AP1B1: variants seen among roughly 807,000 people sequenced by gnomAD.
AP1B1 encodes AP-1 complex subunit beta-1.
A neutral mutation model predicts 104.3 loss-of-function variants in AP1B1; 36 were observed. The ratio of observed to expected loss-of-function variants is 0.35; its 90% CI spans 0.26 to 0.46. The LOEUF is 0.46. Among genes scored for constraint, AP1B1 ranks in the 20% least tolerant of loss-of-function variants. AP1B1 has a pLI of 1.00. For missense variants in AP1B1, 901 were observed against 1,247.9 expected (o/e 0.72, Z 4.19); for synonymous variants, 504 against 517.5 (o/e 0.97, Z 0.35).
chr22:29,349,169 G>C (rs1331613704), intron 11 of AP1B1, 49 bp downstream of exon 11: 2 of 1,598,910 alleles, frequency 1.3e-6, no homozygotes, highest in East Asian at 2.2e-5. Context: ...GCCACAGTGG[G>C]GCTGAGCTGC....
chr22:29,335,276 C>T (rs911465935), intron 16 of AP1B1, among the ~76,000 whole-genome samples: 19 of 152,160 alleles, frequency 1.2e-4, no homozygotes, highest in African/African-American at 4.3e-4. Flanking sequence ...CTCCTGTGGA[C>T]GGCTCACAGG....
intron 3 of AP1B1, among the ~76,000 whole-genome samples, chr22:29,361,009 G>T (rs2062036821): frequency 6.6e-6 from 1 of 152,224 alleles, no homozygotes; most frequent in Non-Finnish European, 1.5e-5. Context: ...GGAGGAGGGA[G>T]GAGGAAAAAC....
intron 8 of AP1B1, 31 bp downstream of exon 8, chr22:29,351,674 G>A (rs1289780981): frequency 1.2e-6 from 2 of 1,611,712 alleles, no homozygotes; most frequent in Non-Finnish European, 1.7e-6. Flanking sequence ...CCCACACTGA[G>A]CCCGTGTCCT....
chr22:29,341,235 T>C (rs1205220101), intron 13 of AP1B1, among the ~76,000 whole-genome samples: 2 of 152,250 alleles, frequency 1.3e-5, no homozygotes, highest in African/African-American at 2.4e-5. Context: ...CTCTGCTAGC[T>C]GTGAGATCCT....
intron 6 of AP1B1, 28 bp from the exon 7 acceptor site, chr22:29,354,899 A>T (rs752058828): frequency 1.3e-6 from 2 of 1,586,772 alleles, no homozygotes; most frequent in African/African-American, 2.7e-5. Flanking sequence ...CAACGGGGCA[A>T]ACAGGAAAGA....
intron 1 of AP1B1, among the ~76,000 whole-genome samples, chr22:29,383,143 G>C (rs562994501): frequency 6.6e-6 from 1 of 152,126 alleles, no homozygotes; most frequent in Non-Finnish European, 1.5e-5. Context: ...AGCAGGCCTC[G>C]ATAAATACTG....
rs1351301002 is a variant in AP1B1, at chr22:29,388,441, TCCCGGCGCC to T, written c.-54_-46del. 1 of 152,214 alleles carries T rather than the reference TCCCGGCGCC, an allele frequency of 6.6e-6. No individual in the cohort carries two copies. Among genetic ancestry groups the T allele is most frequent in the East Asian group, 1.9e-4 (1 of 5,158 alleles). 9.4% of individuals were successfully genotyped at this position (152,214 alleles called of 1,614,324 possible). On this transcript the variant is annotated 5_prime_UTR_variant, in exon 1 of 23. Coordinates refer to ENST00000357586, the MANE Select transcript of AP1B1 (RefSeq NM_001127.4). ...TTCCTCACCCGCAGGTCCCAATAGC[TCCCGGCGCC>T]CCGGCTCGGTTCGGCTTGGCACCAA...
chr22:29,331,324 G>GCAACTC (rs2061553781), intron 19 of AP1B1, 125 bp downstream of exon 19: 2 of 958,540 alleles, frequency 2.1e-6, no homozygotes, highest in Non-Finnish European at 3.3e-6. Context: ...CAGGGAAGCA[G>GCAACTC]CAACTCCCCG....
Position 29,371,046 on chromosome 22 carries a change from G to A in AP1B1, c.-27-3776C>T, listed in dbSNP as rs2062227501. 2.0e-5 allele frequency among the ~76,000 whole-genome samples: 3 copies of A among 152,226 alleles called. No homozygotes were observed. The South Asian group carries it at 6.2e-4, about 32-fold the overall frequency. ...ATGCGGAGAAAAGTGAAACGCTTTA[G>A]AAAGCCACCCCAAAACACAGATAAC... On this transcript the variant is annotated intron_variant, in intron 1 of 22. Coordinates refer to ENST00000357586, the MANE Select transcript of AP1B1 (RefSeq NM_001127.4).
At chr22:29,385,843 T>C (rs1228918294) in intron 1 of AP1B1, among the ~76,000 whole-genome samples, 1 of 152,180 alleles carries the variant, frequency 6.6e-6, no homozygotes, top group East Asian at 1.9e-4. Flanking sequence ...CAGGCTTTGG[T>C]GCCAGACACG....
chr22:29,344,691 A>AT (rs1300165468), intron 11 of AP1B1, among the ~76,000 whole-genome samples: 1 of 151,534 alleles, frequency 6.6e-6, no homozygotes, highest in Non-Finnish European at 1.5e-5. Flanking sequence ...CACCTGGCTA[A>AT]TTTTTGTATT....
At position 29,351,208 on chromosome 22, in the gene AP1B1, G is replaced by A; in HGVS notation, c.1118C>T (p.Ala373Val). 1 of 1,614,018 alleles carries A rather than the reference G, an allele frequency of 6.2e-7. No homozygotes were observed. The highest frequency in any genetic ancestry group is 1.1e-5 in the South Asian group (1 of 91,080). ...TEVDVDFVRK[A>V]VRAIGRCAIK... ...GGCGCAGCGGCCAATAGCACGCACA[G>A]CCTTCCGTACAAAGTCCACATCCAC... The change falls in exon 9 of 23, where the codon GCT becomes GTT. Residue 373 changes from alanine (A) to valine (V), a missense_variant. Physicochemically the swap from Ala to Val is moderately conservative, Grantham distance 64 (BLOSUM62 0). This residue lies in a region of AP1B1 where 471 missense variants were observed against 696.7 expected (regional missense o/e 0.68). Transcript: ENST00000357586.
intron 17 of AP1B1, chr22:29,332,263 G>A (rs574878818): frequency 4.7e-6 from 1 of 212,128 alleles, no homozygotes; most frequent in South Asian, 1.6e-4. Context: ...CTAATGCCAG[G>A]GGCCTGGAGT....
At chr22:29,375,108 C>T (rs569599534) in intron 1 of AP1B1, among the ~76,000 whole-genome samples, 98 of 152,250 alleles carry the variant, frequency 6.4e-4, no homozygotes, top group African/African-American at 2.2e-3. Context: ...CCCAGCACTT[C>T]GGGAGGCCGA....
intron 2 of AP1B1, among the ~76,000 whole-genome samples, chr22:29,364,564 G>A (rs1218694947): frequency 7.9e-5 from 12 of 152,076 alleles, no homozygotes; most frequent in African/African-American, 2.7e-4. Flanking sequence ...GACTACAGGC[G>A]TGCGCCATCA....
chr22:29,352,141 TC>T (rs1196256317), intron 7 of AP1B1, among the ~76,000 whole-genome samples: 1 of 152,160 alleles, frequency 6.6e-6, no homozygotes, highest in Non-Finnish European at 1.5e-5. Context: ...TCAGTCCCAG[TC>T]CCAGCCTGTG....
chr22:29,361,923 A>T (rs1289736965), intron 3 of AP1B1, among the ~76,000 whole-genome samples: 1 of 151,928 alleles, frequency 6.6e-6, no homozygotes, highest in African/African-American at 2.4e-5. Flanking sequence ...CCTCCCAAGT[A>T]GCTGGGATTA....
intron 21 of AP1B1, 61 bp downstream of exon 21, chr22:29,330,317 C>G: frequency 1.9e-6 from 3 of 1,602,198 alleles, no homozygotes; most frequent in Non-Finnish European, 2.6e-6. Context: ...ACCAGGGCCA[C>G]CCCCTGGCAT....
chr22:29,337,409 G>A (rs989720475), intron 16 of AP1B1, among the ~76,000 whole-genome samples: 6 of 152,174 alleles, frequency 3.9e-5, no homozygotes, highest in African/African-American at 1.2e-4. Flanking sequence ...CCCAGACCCT[G>A]CCAGGGGCTC....
Sources: allele counts gnomAD v4.1 joint callset (sites outside exome capture counted in the v4.1 genomes callset), GRCh38; gene constraint gnomAD v4.1.1; regional missense constraint gnomAD v4.1.1; transcripts MANE v1.5; gene names NCBI Gene and HGNC (gene_info 2026-07-23, HGNC 2026-07-21).